STAT5A: variants seen among roughly 807,000 people sequenced by gnomAD.
The protein encoded by STAT5A is epididymis secretory sperm binding protein.
In STAT5A, 26 loss-of-function variants were observed where a neutral mutation model predicts 100.2. That is an observed-to-expected ratio of 0.26 (90% confidence interval 0.19 to 0.36). The LOEUF is 0.36. Ranked by LOEUF, STAT5A falls within the 10% of genes least tolerant of loss-of-function variation. The pLI is 1.00. For missense variants in STAT5A, 634 were observed against 1,027.5 expected (o/e 0.62, Z 5.24); for synonymous variants, 330 against 424.3 (o/e 0.78, Z 2.73).
At chr17:42,293,787 G>A (rs1205708969) in intron 4 of STAT5A, among the ~76,000 whole-genome samples, 1 of 152,176 alleles carries the variant, frequency 6.6e-6, no homozygotes, top group Non-Finnish European at 1.5e-5. Flanking sequence ...AGGAGAGGAG[G>A]GATGAATTTT....
intron 4 of STAT5A, among the ~76,000 whole-genome samples, chr17:42,294,214 TAAAA>T (rs57901917): frequency 7.0e-6 from 1 of 141,866 alleles, no homozygotes; most frequent in Non-Finnish European, 1.5e-5. Flanking sequence ...AGACTCTGTA[TAAAA>T]AAAAAAAAAA....
In STAT5A at chr17:42,288,725, A is replaced by T. The variant is rs1211530522; in HGVS notation, c.-11+127A>T. 6.6e-6 allele frequency: 1 copy of T among 152,202 alleles called. No homozygotes were observed. Among genetic ancestry groups the T allele is most frequent in the Non-Finnish European group, 1.5e-5 (1 of 68,102 alleles). 9.4% of individuals were successfully genotyped at this position (152,202 alleles called of 1,614,324 possible). On this transcript the variant is annotated intron_variant, in intron 1 of 18. Transcript: ENST00000590949. This position sits in a 1 kb window ranked among gnomAD's most constrained non-coding sequence, Gnocchi z 4.8. ...GCGGGGATCAGTCCCCGGCACTGCG[A>T]GGGAGTTGGCCCAGCGCAGACGAGG...
chr17:42,288,236 G>C (rs934083275), upstream of STAT5A: 1 of 152,120 alleles, frequency 6.6e-6, no homozygotes, highest in Non-Finnish European at 1.5e-5. This position sits in a 1 kb window ranked among gnomAD's most constrained non-coding sequence, Gnocchi z 4.8. Context: ...CCGGTTCCGG[G>C]ACGCTCCCTG....
At chr17:42,295,918 C>A in intron 5 of STAT5A, 125 bp downstream of exon 5, 1 of 1,390,752 alleles carries the variant, frequency 7.2e-7, no homozygotes, top group Non-Finnish European at 9.9e-7. Context: ...CTGGTAGAAG[C>A]AATGGCTCCC....
chr17:42,307,083 C>A (rs1019054093), intron 13 of STAT5A, among the ~76,000 whole-genome samples: 1 of 152,182 alleles, frequency 6.6e-6, no homozygotes. Context: ...CTCTGTGCCT[C>A]AGTTTCCCCA....
intron 5 of STAT5A, among the ~76,000 whole-genome samples, chr17:42,298,124 CTT>C (rs1249357694): frequency 1.2e-4 from 18 of 151,768 alleles, no homozygotes; most frequent in African/African-American, 4.4e-4. Context: ...CACAGGCGCC[CTT>C]GTGTTCCACA....
intron 1 of STAT5A, 134 bp from the exon 2 acceptor site, chr17:42,289,267 AG>A: frequency 9.9e-7 from 1 of 1,008,204 alleles, no homozygotes. Context: ...GTTCCCGCAC[AG>A]GAAAGCTATC....
intron 5 of STAT5A, 40 bp downstream of exon 5, chr17:42,295,833 A>AT: frequency 6.2e-7 from 1 of 1,605,400 alleles, no homozygotes; most frequent in Non-Finnish European, 8.5e-7. Context: ...GGAGGGTGGG[A>AT]GTGAGGAACA....
chr17:42,295,644 T>C lies in STAT5A; in HGVS notation c.401T>C (p.Val134Ala). The change falls in exon 5 of 19, where the codon GTT becomes GCT. Residue 134 changes from valine (V) to alanine (A), a missense_variant. By Grantham distance (64) the Val-to-Ala change is moderately conservative (BLOSUM62 0). Transcript: ENST00000590949. ...TGCAGCTCTCCGGCTGGGATCCTGG[T>C]TGACGCCATGTCCCAGAAGCACCTT... is the stretch of plus-strand genomic sequence containing the variant. The part of the protein sequence containing the change: ...NNCSSPAGIL[V>A]DAMSQKHLQI... The C allele has an allele frequency of 6.2e-7, 1 of 1,613,898 alleles. No homozygotes were observed. Among genetic ancestry groups the C allele is most frequent in the South Asian group, 1.1e-5 (1 of 90,996 alleles).
In STAT5A at chr17:42,308,337, G is replaced by A. The variant is rs2081049210; in HGVS notation, c.2062+4G>A. 1.2e-6 allele frequency: 2 copies of A among 1,614,020 alleles called. No homozygotes were observed. Among genetic ancestry groups the A allele is most frequent in the African/African-American group, 1.3e-5 (1 of 74,930 alleles). ...AAGTACTACACTCCTGTGCTGGGTGGGTACTGCCCCAGGACCCTGCCGGCT... is the reference window on the plus strand; with the variant it reads ...AAGTACTACACTCCTGTGCTGGGTGAGTACTGCCCCAGGACCCTGCCGGCT... On this transcript the variant is annotated splice_donor_region_variant and intron_variant, in intron 16 of 18. Transcript: ENST00000590949. This position sits in a 1 kb window ranked among gnomAD's most constrained non-coding sequence, Gnocchi z 4.6.
Position 42,306,436 on chromosome 17 carries a change from C to A in STAT5A, c.1669C>A (p.Gln557Lys). The A allele has an allele frequency of 6.2e-7, 1 of 1,612,336 alleles. No individual in the cohort carries two copies. Residue 557 changes from glutamine to lysine, a missense_variant, in exon 13 of 19, where the codon CAG (glutamine) becomes AAG (lysine). Physicochemically the swap from Gln to Lys is moderately conservative, Grantham distance 53 (BLOSUM62 1). Coordinates refer to ENST00000590949, the MANE Select transcript of STAT5A (RefSeq NM_001288718.2). Reference sequence around the variant, plus strand: ...CAGTGGCCTGTCCGTGTCCTGGTCCCAGTTCAACAGGGTGAGGGGCCCAGC... The same window carrying A: ...CAGTGGCCTGTCCGTGTCCTGGTCCAAGTTCAACAGGGTGAGGGGCCCAGC... ...DYSGLSVSWS[Q>K]FNRENLPGWN...
Position 42,308,787 on chromosome 17 carries a change from T to C in STAT5A, c.2063-260T>C. On this transcript the variant is annotated intron_variant, in intron 16 of 18. Coordinates refer to ENST00000590949, the MANE Select transcript of STAT5A (RefSeq NM_001288718.2). This position sits in a 1 kb window ranked among gnomAD's most constrained non-coding sequence, Gnocchi z 4.6. ...TGGGTTTGCTTGTTGATTCTCATTCTTTGACAGGGGTGGGAGCAGGGAGAG... is the reference window on the plus strand; with the variant it reads ...TGGGTTTGCTTGTTGATTCTCATTCCTTGACAGGGGTGGGAGCAGGGAGAG... 1.8e-6 allele frequency: 1 copy of C among 560,658 alleles called. No individual in the cohort carries two copies. Among genetic ancestry groups the C allele is most frequent in the Non-Finnish European group, 3.2e-6 (1 of 313,566 alleles). 34.7% of individuals were successfully genotyped at this position (560,658 alleles called of 1,614,324 possible).
chr17:42,292,557 C>A (rs916227574), intron 4 of STAT5A, among the ~76,000 whole-genome samples: 2 of 151,354 alleles, frequency 1.3e-5, no homozygotes, highest in Non-Finnish European at 2.9e-5. Context: ...CTCAACCTGA[C>A]CTCGTGATCC....
chr17:42,302,025 A>C (rs1037568520), intron 9 of STAT5A, among the ~76,000 whole-genome samples: 1 of 152,222 alleles, frequency 6.6e-6, no homozygotes, highest in Non-Finnish European at 1.5e-5. Context: ...TTAGCTGGGC[A>C]TGGTGGTGCA....
chr17:42,291,167 G>C (rs937313080), intron 3 of STAT5A, among the ~76,000 whole-genome samples: 6 of 152,184 alleles, frequency 3.9e-5, no homozygotes, highest in Non-Finnish European at 7.3e-5. Flanking sequence ...TAGATCCCTC[G>C]CATGTGCAGT....
At chr17:42,295,918 C>T in intron 5 of STAT5A, 125 bp downstream of exon 5, 2 of 1,390,756 alleles carry the variant, frequency 1.4e-6, no homozygotes, top group Non-Finnish European at 2.0e-6. Context: ...CTGGTAGAAG[C>T]AATGGCTCCC....
chr17:42,302,660 G>A (rs1460419827), intron 9 of STAT5A, among the ~76,000 whole-genome samples: 1 of 152,236 alleles, frequency 6.6e-6, no homozygotes, highest in African/African-American at 2.4e-5. Context: ...GAGGCTGGGC[G>A]AGGTGGCTCA....
intron 9 of STAT5A, among the ~76,000 whole-genome samples, chr17:42,303,107 A>AT (rs2080996874): frequency 6.6e-6 from 1 of 152,128 alleles, no homozygotes; most frequent in South Asian, 2.1e-4. Context: ...TTAGCTGGGC[A>AT]TGGTGGTGGA....
intron 4 of STAT5A, among the ~76,000 whole-genome samples, chr17:42,294,077 G>A (rs913719600): frequency 1.3e-5 from 2 of 152,126 alleles, no homozygotes; most frequent in Non-Finnish European, 2.9e-5. Context: ...TTAGCTAGGC[G>A]TGGTGGCGGG....
Sources: gnomAD v4.1 joint callset for allele counts (sites outside exome capture counted in the v4.1 genomes callset) on GRCh38, gnomAD v4.1.1 for gene constraint, Gnocchi (gnomAD v3.1) non-coding constraint, MANE v1.5 for transcripts, NCBI Gene and HGNC (gene_info 2026-07-23, HGNC 2026-07-21) for gene names.